The following BAALC variants were observed in gnomAD, a reference collection of about 807,000 sequenced individuals.
BAALC encodes brain and acute leukemia cytoplasmic protein.
Under a neutral mutation model 15.5 loss-of-function variants are expected in BAALC, and 9 were observed. The ratio of observed to expected loss-of-function variants is 0.58; its 90% CI spans 0.35 to 1.02. The LOEUF is 1.02. Ranked by LOEUF, BAALC falls within the 50% of genes least tolerant of loss-of-function variation. The probability of loss-of-function intolerance (pLI) is 0.02; values close to 1 mark genes in which losing one functional copy is unlikely to be tolerated. For missense variants in BAALC, 201 were observed against 192.4 expected (o/e 1.04, Z -0.27); for synonymous variants, 80 against 74.6 (o/e 1.07, Z -0.37).
intron 2 of BAALC, among the ~76,000 whole-genome samples, chr8:103,225,698 A>G (rs181797712): frequency 6.6e-6 from 1 of 152,196 alleles, no homozygotes; most frequent in East Asian, 1.9e-4. Context: ...ACAATCAGGC[A>G]TGGGATATGG....
At chr8:103,159,142 G>A (rs1811165745) in intron 1 of BAALC, among the ~76,000 whole-genome samples, 1 of 152,130 alleles carries the variant, frequency 6.6e-6, no homozygotes, top group Admixed American at 6.5e-5. Context: ...TGCTTTTTCA[G>A]TAGGAAACTT....
chr8:103,202,223 C>T lies in BAALC; in HGVS notation c.161-10696C>T, dbSNP rs140468927. 2.1e-3 allele frequency among the ~76,000 whole-genome samples: 327 copies of T among 152,224 alleles called. 4 individuals are homozygous for T. The highest frequency in any genetic ancestry group is 8.8e-4 in the Non-Finnish European group (60 of 68,010). On this transcript the variant is annotated intron_variant, in intron 1 of 2. Transcript: ENST00000309982. ...TCATGGCTTGAAGGCCTTTCCCCAG[C>T]GCCTCAGAATGTGATTATAATTGAA...
intron 1 of BAALC, among the ~76,000 whole-genome samples, chr8:103,204,518 C>T (rs2220825): frequency 0.11 from 16,430 of 152,122 alleles, 1,238 homozygotes; most frequent in East Asian, 0.3. Flanking sequence ...AAGACTTACA[C>T]CTATATTTTC....
rs563340381 is a variant in BAALC, at chr8:103,198,842, C to T, written c.161-14077C>T. ...AGGAGAATTGCTTGAACCCAGGAGA[C>T]GGAGCTTGCAGTGAGCCGAAATTGT... On this transcript the variant is annotated intron_variant, in intron 1 of 2. Transcript: ENST00000309982. Among the ~76,000 whole-genome samples, 180 of 152,196 alleles carry T rather than the reference C, an allele frequency of 1.2e-3. 5 individuals carry two copies. In the South Asian group the frequency reaches 0.022, roughly 18 times the overall value.
chr8:103,160,034 G>A (rs531488340), intron 1 of BAALC, among the ~76,000 whole-genome samples: 36 of 151,842 alleles, frequency 2.4e-4, no homozygotes, highest in African/African-American at 8.2e-4. Context: ...TTTTTTAGAT[G>A]CTAAATATCT....
At chr8:103,143,365 T>A (rs1269364397) in intron 1 of BAALC, among the ~76,000 whole-genome samples, 1 of 152,152 alleles carries the variant, frequency 6.6e-6, no homozygotes, top group African/African-American at 2.4e-5. Context: ...CAGCCCCCAG[T>A]GGCTGCGTTG....
chr8:103,198,094 G>C (rs141735421), intron 1 of BAALC: 83 of 701,270 alleles, frequency 1.2e-4, no homozygotes, highest in Non-Finnish European at 2.0e-4. Flanking sequence ...TACATGTACT[G>C]TTAGGGTGCC....
At position 103,196,292 on chromosome 8, in the gene BAALC, G is replaced by A. The variant is rs145596152; in HGVS notation, c.161-16627G>A. ...TTTTGTTTTTGTTGTTATTGTTATC[G>A]TTTTTTGAGACAGGGTCTCATTCTG... On this transcript the variant is annotated intron_variant, in intron 1 of 2. Coordinates refer to ENST00000309982, the MANE Select transcript of BAALC (RefSeq NM_024812.3). Among the ~76,000 whole-genome samples the A allele has an allele frequency of 1.4e-4, 22 of 151,944 alleles. No homozygotes were observed. The East Asian group carries it at 3.5e-3, about 24-fold the overall frequency.
At chr8:103,154,019 CT>C (rs988312663) in intron 1 of BAALC, among the ~76,000 whole-genome samples, 1 of 152,134 alleles carries the variant, frequency 6.6e-6, no homozygotes, top group African/African-American at 2.4e-5. Flanking sequence ...AAACCGAGGC[CT>C]CATTAAACGA....
chr8:103,172,631 G>T (rs994207914), intron 1 of BAALC, among the ~76,000 whole-genome samples: 3 of 151,810 alleles, frequency 2.0e-5, no homozygotes, highest in African/African-American at 7.3e-5. Flanking sequence ...CTGACTTCAG[G>T]TGGTCCCCCT....
chr8:103,206,382 G>C (rs1812330283), intron 1 of BAALC, among the ~76,000 whole-genome samples: 1 of 152,030 alleles, frequency 6.6e-6, no homozygotes, highest in Non-Finnish European at 1.5e-5. Flanking sequence ...CAATCTCTCA[G>C]GCTTTTCTTG....
Position 103,230,135 on chromosome 8 carries a change from A to G in BAALC, c.*2036A>G, listed in dbSNP as rs1812897198. The G allele has an allele frequency of 6.6e-6, 1 of 152,228 alleles. No homozygotes were observed. The highest frequency in any genetic ancestry group is 6.5e-5 in the Admixed American group (1 of 15,286). 9.4% of individuals were successfully genotyped at this position (152,228 alleles called of 1,614,324 possible). A position where few individuals can be genotyped will look rare whatever the true frequency, so the allele number is the denominator to read the frequency against. ...GGGCACATGATCTGGCCCTCCCCAGAACAATCTGGATTTCACGGAGACAGC... is the reference window on the plus strand; with the variant it reads ...GGGCACATGATCTGGCCCTCCCCAGGACAATCTGGATTTCACGGAGACAGC... On this transcript the variant is annotated 3_prime_UTR_variant, in exon 3 of 3. Transcript: ENST00000309982.
chr8:103,169,258 CT>C (rs1311119762), intron 1 of BAALC, among the ~76,000 whole-genome samples: 64 of 152,102 alleles, frequency 4.2e-4, no homozygotes, highest in African/African-American at 1.5e-3. Flanking sequence ...TAAGAACTCT[CT>C]TTTGGTTCTC....
chr8:103,199,315 T>C (rs901145617), intron 1 of BAALC, among the ~76,000 whole-genome samples: 1 of 152,240 alleles, frequency 6.6e-6, no homozygotes, highest in African/African-American at 2.4e-5. Context: ...ACATGTAATA[T>C]TATCAGACTT....
intron 1 of BAALC, among the ~76,000 whole-genome samples, chr8:103,152,293 G>C (rs564830805): frequency 6.6e-6 from 1 of 151,986 alleles, no homozygotes; most frequent in African/African-American, 2.4e-5. Context: ...TTCCGGCCAC[G>C]CTTGATTCCC....
chr8:103,203,448 C>CCATACAATTGATCCATTTAAAG (rs1392950430), intron 1 of BAALC, among the ~76,000 whole-genome samples: 5 of 152,174 alleles, frequency 3.3e-5, no homozygotes. Flanking sequence ...AATTCACATA[C>CCATACAATTGATCCATTTAAAG]CATACAATTG....
intron 1 of BAALC, among the ~76,000 whole-genome samples, chr8:103,175,971 C>T (rs112191992): frequency 5.9e-5 from 9 of 152,178 alleles, no homozygotes; most frequent in African/African-American, 2.2e-4. Flanking sequence ...AAAGAAGCTG[C>T]CCAAAGTTAC....
intron 1 of BAALC, among the ~76,000 whole-genome samples, chr8:103,174,164 A>G (rs1811557067): frequency 1.3e-5 from 2 of 151,764 alleles, no homozygotes; most frequent in South Asian, 4.2e-4. Flanking sequence ...TCCTGAATCC[A>G]TTCTGCCGGC....
chr8:103,162,539 T>A (rs1284919285), intron 1 of BAALC, among the ~76,000 whole-genome samples: 2 of 152,176 alleles, frequency 1.3e-5, no homozygotes, highest in South Asian at 2.1e-4. Context: ...GCAGTCAGCA[T>A]GTTTGCATAA....
Sources: allele counts gnomAD v4.1 joint callset (sites outside exome capture counted in the v4.1 genomes callset), GRCh38; gene constraint gnomAD v4.1.1; transcripts MANE v1.5; gene names NCBI Gene and HGNC (gene_info 2026-07-23, HGNC 2026-07-21).